Variants in ERG observed in about 807,000 individuals in gnomAD.
The protein encoded by ERG is ETS transcription factor ERG, also known as transcriptional regulator ERG.
Under a neutral mutation model 55.3 loss-of-function variants are expected in ERG, and 9 were observed. The observed-to-expected ratio is 0.16, with a 90% confidence interval of 0.10 to 0.28. The LOEUF (loss-of-function observed/expected upper bound fraction) is 0.28. Among genes scored for constraint, ERG ranks in the 10% least tolerant of loss-of-function variants. ERG has a pLI of 1.00. For synonymous variants in ERG, 223 were observed against 237.3 expected, an observed-to-expected ratio of 0.94 and a Z score of 0.55; for missense variants, 434 against 631.6, an observed-to-expected ratio of 0.69 and a Z score of 3.35.
At chr21:38,411,683 C>T (rs535041813) in intron 3 of ERG, among the ~76,000 whole-genome samples, 2 of 152,112 alleles carry the variant, frequency 1.3e-5, no homozygotes, top group Admixed American at 6.5e-5. Context: ...TATAAATGTT[C>T]CTTGATTGCT....
intron 3 of ERG, among the ~76,000 whole-genome samples, chr21:38,410,069 A>G (rs2146472783): frequency 6.6e-6 from 1 of 152,382 alleles, no homozygotes; most frequent in Admixed American, 6.5e-5. Context: ...ATAGAAAAGT[A>G]AATGAGATAA....
chr21:38,405,996 C>CA (rs1266872509), intron 3 of ERG, among the ~76,000 whole-genome samples: 7 of 150,420 alleles, frequency 4.7e-5, no homozygotes, highest in South Asian at 2.1e-4. Context: ...ACTAAAAATA[C>CA]AAAAAAAAAT....
At chr21:38,495,479 G>A (rs554274348) in intron 1 of ERG, among the ~76,000 whole-genome samples, 6 of 152,290 alleles carry the variant, frequency 3.9e-5, no homozygotes, top group African/African-American at 1.2e-4. Context: ...TGCTGCTGCC[G>A]GCTGCTGGCT....
intron 6 of ERG, among the ~76,000 whole-genome samples, chr21:38,398,458 T>C (rs1988332103): frequency 6.6e-6 from 1 of 152,170 alleles, no homozygotes; most frequent in South Asian, 2.1e-4. Context: ...AAACAGGTTA[T>C]TTCAGGTACA....
At chr21:38,392,273 GT>G (rs772125478) in intron 7 of ERG, 102 bp downstream of exon 7, 2 of 983,344 alleles carry the variant, frequency 2.0e-6, no homozygotes, top group South Asian at 2.7e-5. Context: ...CCCATCACAT[GT>G]TGCAAAATCA....
intron 2 of ERG, among the ~76,000 whole-genome samples, chr21:38,573,315 C>A (rs1031997516): frequency 6.6e-6 from 1 of 152,192 alleles, no homozygotes; most frequent in Non-Finnish European, 1.5e-5. Flanking sequence ...AGGGTCTGTG[C>A]TGAGGTGGAT....
At chr21:38,464,116 T>C (rs1290816456) in intron 1 of ERG, among the ~76,000 whole-genome samples, 1 of 152,124 alleles carries the variant, frequency 6.6e-6, no homozygotes, top group Non-Finnish European at 1.5e-5. Context: ...TATTAAGAAT[T>C]CCCTTGGCAA....
intron 1 of ERG, among the ~76,000 whole-genome samples, chr21:38,466,726 A>G (rs2059094369): frequency 1.3e-5 from 2 of 152,192 alleles, no homozygotes; most frequent in Admixed American, 1.3e-4. Context: ...CCAACTTTAC[A>G]GATAATTGAT....
intron 2 of ERG, among the ~76,000 whole-genome samples, chr21:38,575,080 G>A (rs979645518): frequency 6.6e-6 from 1 of 152,156 alleles, no homozygotes; most frequent in Non-Finnish European, 1.5e-5. Flanking sequence ...CACCTCCAGA[G>A]CCTCAGGAAG....
intron 1 of ERG, among the ~76,000 whole-genome samples, chr21:38,601,020 G>T (rs2060161532): frequency 2.0e-5 from 3 of 152,152 alleles, no homozygotes; most frequent in South Asian, 4.1e-4. Context: ...TTACAATCAG[G>T]TTTACAAGGA....
At chr21:38,652,907 G>A (rs1486733806) in intron 1 of ERG, among the ~76,000 whole-genome samples, 2 of 152,094 alleles carry the variant, frequency 1.3e-5, no homozygotes, top group Non-Finnish European at 2.9e-5. Context: ...TTCATGATGT[G>A]CACATTCACC....
intron 2 of ERG, among the ~76,000 whole-genome samples, chr21:38,527,946 C>T (rs368610785): frequency 1.6e-4 from 25 of 152,288 alleles, no homozygotes; most frequent in South Asian, 6.2e-4. Context: ...GGGCGGCTTC[C>T]GCCACCGAAA....
At chr21:38,428,427 C>T (rs182998888) in intron 2 of ERG, among the ~76,000 whole-genome samples, 4 of 152,172 alleles carry the variant, frequency 2.6e-5, no homozygotes, top group African/African-American at 9.7e-5. Context: ...CTGCACCAAG[C>T]GCTGCCCAGC....
intron 2 of ERG, among the ~76,000 whole-genome samples, chr21:38,563,211 C>T (rs893553088): frequency 1.6e-4 from 24 of 152,206 alleles, no homozygotes; most frequent in African/African-American, 5.5e-4. Context: ...GTGTCATCAC[C>T]TGTTTGTCCA....
At position 38,432,706 on chromosome 21, in the gene ERG, G is replaced by A. The variant is rs553221965; in HGVS notation, c.237-9145C>T. 2.6e-5 allele frequency among the ~76,000 whole-genome samples: 4 copies of A among 152,320 alleles called. 1 individual carries two copies. The South Asian group carries it at 8.3e-4, about 32-fold the overall frequency. ...ATGACAGAAATACTCGAAAGCAGGA[G>A]CCTTGTTACAGATGAAGCACAGAGA... is the stretch of plus-strand genomic sequence containing the variant. On this transcript the variant is annotated intron_variant, in intron 2 of 9. Coordinates refer to ENST00000288319, the MANE Select transcript of ERG (RefSeq NM_182918.4).
Position 38,573,232 on chromosome 21 carries a change from C to CT in ERG, c.-41+2429_-41+2430insA, listed in dbSNP as rs2059970774. On this transcript the variant is annotated intron_variant, in intron 2 of 8. Transcript: ENST00000398897. ...AAGCGGGGTATTGTCCAAGGTTTCT[C>CT]CCATGTGATAGTCTGAAATATGGCC... Among the ~76,000 whole-genome samples the CT allele has an allele frequency of 2.0e-5, 3 of 152,200 alleles. No homozygotes were observed. In the South Asian group the frequency reaches 6.2e-4, roughly 31 times the overall value.
At chr21:38,405,815 A>G (rs1466722397) in intron 3 of ERG, among the ~76,000 whole-genome samples, 1 of 152,122 alleles carries the variant, frequency 6.6e-6, no homozygotes, top group Non-Finnish European at 1.5e-5. Flanking sequence ...ACCAGCTAGC[A>G]TTGGATGTCT....
chr21:38,400,777 T>C (rs1988452668), intron 5 of ERG, 132 bp from the exon 6 acceptor site: 1 of 639,708 alleles, frequency 1.6e-6, no homozygotes, highest in African/African-American at 1.8e-5. Flanking sequence ...TTAACAGAGC[T>C]CCGGAGAAAC....
chr21:38,438,649 A>G (rs2058812939), intron 2 of ERG, among the ~76,000 whole-genome samples: 1 of 152,206 alleles, frequency 6.6e-6, no homozygotes, highest in Non-Finnish European at 1.5e-5. Context: ...CTCGCTGCAC[A>G]GGCCCAGCTG....
Sources: gnomAD v4.1 joint callset for allele counts (sites outside exome capture counted in the v4.1 genomes callset) on GRCh38, gnomAD v4.1.1 for gene constraint, MANE v1.5 for transcripts, NCBI Gene and HGNC (gene_info 2026-07-23, HGNC 2026-07-21) for gene names.